The following EXOC6B variants were observed in gnomAD, a reference collection of about 807,000 sequenced individuals.
EXOC6B encodes exocyst complex component 6B, also known as SEC15 homolog B.
EXOC6B carries 54 observed loss-of-function variants against 113.5 expected under a neutral mutation model. The observed-to-expected ratio is 0.48, with a 90% CI of 0.38 to 0.60. EXOC6B has a LOEUF of 0.60. Ranked by LOEUF, EXOC6B falls within the 20% of genes least tolerant of loss-of-function variation. The pLI is 0.00. For missense variants in EXOC6B, 797 were observed against 977.5 expected (o/e 0.82, Z 2.46); for synonymous variants, 357 against 339.0 (o/e 1.05, Z -0.58).
At chr2:72,582,422 T>G (rs911025161) in intron 6 of EXOC6B, among the ~76,000 whole-genome samples, 2 of 151,900 alleles carry the variant, frequency 1.3e-5, no homozygotes, top group African/African-American at 4.8e-5. Context: ...GAGGCTGGGG[T>G]GGGAGGATCA....
At chr2:72,265,189 A>C (rs1271558909) in intron 20 of EXOC6B, among the ~76,000 whole-genome samples, 1 of 151,952 alleles carries the variant, frequency 6.6e-6, no homozygotes, top group Non-Finnish European at 1.5e-5. Flanking sequence ...TCTCAGATGG[A>C]GATGAGGAAC....
intron 20 of EXOC6B, among the ~76,000 whole-genome samples, chr2:72,185,207 T>C (rs1365833476): frequency 6.6e-6 from 1 of 152,256 alleles, no homozygotes; most frequent in African/African-American, 2.4e-5. Context: ...TCTCCATTTC[T>C]CCCTTTCCAG....
chr2:72,611,700 CATAA>C (rs201885005), intron 6 of EXOC6B, among the ~76,000 whole-genome samples: 3 of 151,782 alleles, frequency 2.0e-5, no homozygotes, highest in East Asian at 1.9e-4. Context: ...ATCATAGTTG[CATAA>C]ATAAATAAAT....
At chr2:72,187,781 C>T (rs1331026861) in intron 20 of EXOC6B, among the ~76,000 whole-genome samples, 1 of 152,324 alleles carries the variant, frequency 6.6e-6, no homozygotes, top group East Asian at 1.9e-4. Context: ...TGGTCACAAG[C>T]CTTCAGGCCT....
chr2:72,435,292 C>A (rs1695785915), intron 18 of EXOC6B, among the ~76,000 whole-genome samples: 1 of 152,088 alleles, frequency 6.6e-6, no homozygotes, highest in Non-Finnish European at 1.5e-5. Context: ...GATTTCCATT[C>A]TTTTGAATTT....
intron 16 of EXOC6B, among the ~76,000 whole-genome samples, chr2:72,489,189 A>C (rs2105527729): frequency 6.6e-6 from 1 of 152,310 alleles, no homozygotes; most frequent in African/African-American, 2.4e-5. Context: ...TTCTCTCCAT[A>C]GCATTCACTA....
chr2:72,322,151 C>T (rs1309252173), intron 20 of EXOC6B, among the ~76,000 whole-genome samples: 1 of 151,996 alleles, frequency 6.6e-6, no homozygotes, highest in Non-Finnish European at 1.5e-5. Context: ...CTCATAATAG[C>T]CCAAACTGGA....
intron 1 of EXOC6B, among the ~76,000 whole-genome samples, chr2:72,784,424 T>G (rs1404540724): frequency 6.6e-6 from 1 of 152,236 alleles, no homozygotes; most frequent in African/African-American, 2.4e-5. Context: ...ATCTGTAGAT[T>G]GTTTTGGGTA....
intron 6 of EXOC6B, among the ~76,000 whole-genome samples, chr2:72,701,652 C>T (rs1422878570): frequency 2.0e-5 from 3 of 152,166 alleles, no homozygotes; most frequent in Non-Finnish European, 4.4e-5. Context: ...AGGAATTCTA[C>T]TTCCCGGAGT....
At chr2:72,450,322 C>A (rs990726947) in intron 18 of EXOC6B, among the ~76,000 whole-genome samples, 3 of 152,150 alleles carry the variant, frequency 2.0e-5, no homozygotes, top group Non-Finnish European at 2.9e-5. Context: ...AGCATTTAAG[C>A]CAAATATCTG....
intron 6 of EXOC6B, among the ~76,000 whole-genome samples, chr2:72,690,171 G>A (rs79504667): frequency 0.053 from 8,088 of 152,222 alleles, 709 homozygotes; most frequent in African/African-American, 0.18. Context: ...CATATCATCA[G>A]TAATATTTGC....
rs928085638 is a variant in EXOC6B, at chr2:72,792,833, G to C, written c.113+32965C>G. On this transcript the variant is annotated intron_variant, in intron 1 of 21. Coordinates refer to ENST00000272427, the MANE Select transcript of EXOC6B (RefSeq NM_015189.3). Reference sequence around the variant, plus strand: ...AGAAAACCATTACCTTAACATTTCTGGTAACCACTTTCTTATTCTCCTTTA... The same window carrying C: ...AGAAAACCATTACCTTAACATTTCTCGTAACCACTTTCTTATTCTCCTTTA... Among the ~76,000 whole-genome samples, 6 of 151,982 alleles carry C rather than the reference G, an allele frequency of 3.9e-5. No homozygotes were observed. In the East Asian group the frequency reaches 7.7e-4, roughly 20 times the overall value.
At position 72,498,546 on chromosome 2, in the gene EXOC6B, A is replaced by G. The variant is rs2105580954; in HGVS notation, c.1245T>C (p.Tyr415=). The part of the protein sequence containing the change: ...IVLFADTLQV[Y]GFPVNQLFDM... ...CAAAAAGCTGATTTACAGGGAAACC[A>G]TACACCTGAAACAAAATAAGAAAAT... The change falls in exon 13 of 22, where the codon TAT becomes TAC. Residue 415 remains tyrosine, a synonymous_variant. Transcript: ENST00000272427. 1 of 1,606,202 alleles carries G rather than the reference A, an allele frequency of 6.2e-7. No individual in the cohort carries two copies. The highest frequency in any genetic ancestry group is 8.5e-7 in the Non-Finnish European group (1 of 1,176,538).
chr2:72,550,981 C>T (rs897997520), intron 8 of EXOC6B, among the ~76,000 whole-genome samples: 1 of 148,510 alleles, frequency 6.7e-6, no homozygotes, highest in Non-Finnish European at 1.5e-5. Flanking sequence ...TGCAATGGCG[C>T]GATCTTGGAT....
chr2:72,714,798 C>T (rs1006059576), intron 6 of EXOC6B, among the ~76,000 whole-genome samples: 1 of 152,134 alleles, frequency 6.6e-6, no homozygotes, highest in Non-Finnish European at 1.5e-5. Context: ...CCCCAACCTC[C>T]ACTACTTTCC....
intron 8 of EXOC6B, among the ~76,000 whole-genome samples, chr2:72,543,024 A>G (rs1448562226): frequency 1.3e-5 from 2 of 152,328 alleles, no homozygotes; most frequent in East Asian, 3.9e-4. Context: ...CAGTAATGGA[A>G]GAAATTTGGT....
At chr2:72,659,628 C>T (rs1427148761) in intron 6 of EXOC6B, among the ~76,000 whole-genome samples, 5 of 152,026 alleles carry the variant, frequency 3.3e-5, no homozygotes, top group African/African-American at 1.2e-4. Context: ...GCAGTGACCA[C>T]AGTGTTGGAA....
At chr2:72,379,343 A>G (rs1691545145) in intron 19 of EXOC6B, among the ~76,000 whole-genome samples, 1 of 152,240 alleles carries the variant, frequency 6.6e-6, no homozygotes, top group African/African-American at 2.4e-5. Flanking sequence ...TTAAACTAAC[A>G]ATAGTTTGCA....
chr2:72,442,328 C>G lies in EXOC6B; in HGVS notation c.1980+22832G>C, dbSNP rs1696256026. Among the ~76,000 whole-genome samples the G allele has an allele frequency of 2.0e-5, 3 of 152,062 alleles. No homozygotes were observed. In the South Asian group the frequency reaches 6.2e-4, roughly 31 times the overall value. ...TGGGAAAAAGCTGAACACATTCCCC[C>G]CCGCAAAAAATGGCACAAGACAAGG... On this transcript the variant is annotated intron_variant, in intron 18 of 21. Coordinates refer to ENST00000272427, the MANE Select transcript of EXOC6B (RefSeq NM_015189.3).
Sources: gnomAD v4.1 joint callset for allele counts (sites outside exome capture counted in the v4.1 genomes callset) on GRCh38, gnomAD v4.1.1 for gene constraint, MANE v1.5 for transcripts, NCBI Gene and HGNC (gene_info 2026-07-23, HGNC 2026-07-21) for gene names.